Variants in ACSS3 observed in about 807,000 individuals in gnomAD.
The protein encoded by ACSS3 is acyl-CoA synthetase short chain family member 3, also known as acyl-CoA synthetase short-chain family member 3, mitochondrial.
ACSS3 carries 64 observed loss-of-function variants against 84.2 expected under a neutral mutation model. The observed-to-expected ratio is 0.76, with a 90% CI of 0.62 to 0.94. ACSS3 has a LOEUF of 0.94. Among genes scored for constraint, ACSS3 ranks in the 40% least tolerant of loss-of-function variants. ACSS3 has a pLI of 0.00. For missense variants in ACSS3, 815 were observed against 867.6 expected (o/e 0.94, Z 0.76); for synonymous variants, 317 against 310.1 (o/e 1.02, Z -0.23).
chr12:81,242,005 A>C (rs1179887529), intron 13 of ACSS3, among the ~76,000 whole-genome samples: 2 of 152,028 alleles, frequency 1.3e-5, no homozygotes, highest in Non-Finnish European at 2.9e-5. Flanking sequence ...TCTTGAATTG[A>C]TTTTCATATA....
chr12:81,173,783 G>C (rs1421747806), intron 7 of ACSS3, among the ~76,000 whole-genome samples: 1 of 152,058 alleles, frequency 6.6e-6, no homozygotes, highest in African/African-American at 2.4e-5. Flanking sequence ...AACAGAGATC[G>C]AGAATTTAAT....
chr12:81,206,562 A>G (rs943101876), intron 9 of ACSS3, among the ~76,000 whole-genome samples: 1 of 152,110 alleles, frequency 6.6e-6, no homozygotes, highest in Admixed American at 6.6e-5. Flanking sequence ...AAGCAGTTAT[A>G]TAGACACAGT....
intron 1 of ACSS3, among the ~76,000 whole-genome samples, chr12:81,090,018 G>C (rs995161264): frequency 6.6e-6 from 1 of 151,924 alleles, no homozygotes; most frequent in African/African-American, 2.4e-5. Flanking sequence ...TTACATAGCA[G>C]AACCTAGAGA....
At position 81,184,636 on chromosome 12, in the gene ACSS3, C is replaced by T. The variant is rs138115365; in HGVS notation, c.1250+9697C>T. ...TAAAGAGGATCGTAAGGGAATATTA[C>T]GAAGAATTATATGCCAACAAATTGG... On this transcript the variant is annotated intron_variant, in intron 8 of 15. Coordinates refer to ENST00000548058, the MANE Select transcript of ACSS3 (RefSeq NM_024560.4). Among the ~76,000 whole-genome samples the T allele has an allele frequency of 1.4e-3, 212 of 151,514 alleles. 1 individual carries two copies. The highest frequency in any genetic ancestry group is 2.5e-3 in the Non-Finnish European group (170 of 67,602).
intron 8 of ACSS3, among the ~76,000 whole-genome samples, chr12:81,186,519 A>T (rs997875363): frequency 1.3e-5 from 2 of 151,762 alleles, no homozygotes; most frequent in African/African-American, 4.8e-5. Context: ...TCGTGGAAAA[A>T]CTAATAACCT....
intron 3 of ACSS3, among the ~76,000 whole-genome samples, chr12:81,137,136 CTT>C (rs61706699): frequency 8.1e-5 from 12 of 147,556 alleles, no homozygotes; most frequent in Admixed American, 1.3e-4. Context: ...CCTTTTTTAT[CTT>C]TTTTTTTTTC....
chr12:81,139,619 A>AAAAT (rs1565999349), intron 4 of ACSS3, among the ~76,000 whole-genome samples: 154 of 99,120 alleles, frequency 1.6e-3, no homozygotes, highest in Admixed American at 4.6e-3. Flanking sequence ...TATATATATA[A>AAAAT]AATAATAATA....
Position 81,134,995 on chromosome 12 carries a change from T to G in ACSS3, c.636T>G (p.Asp212Glu), listed in dbSNP as rs766353030. 2 of 1,598,644 alleles carry G rather than the reference T, an allele frequency of 1.3e-6. No individual in the cohort carries two copies. The highest frequency in any genetic ancestry group is 1.7e-6 in the Non-Finnish European group (2 of 1,171,398). ...FASKELSSRI[D>E]HVKPKVVVTA... ...CCAAAGAACTAAGTAGTCGCATTGA[T>G]CATGTAAAGGTAAGTGCTTTATTTT... Residue 212 changes from aspartate to glutamate, a missense_variant, in exon 3 of 16, where the codon GAT becomes GAG. Transcript: ENST00000548058.
chr12:81,084,022 G>A (rs1484436727), intron 1 of ACSS3, among the ~76,000 whole-genome samples: 3 of 152,054 alleles, frequency 2.0e-5, no homozygotes, highest in Non-Finnish European at 4.4e-5. Context: ...CAGTATTCCT[G>A]CACAGCAACA....
In ACSS3 at chr12:81,174,914, T is replaced by G. The variant is rs757770927; in HGVS notation, c.1225T>G (p.Leu409Val). 1.9e-6 allele frequency: 3 copies of G among 1,613,802 alleles called. No homozygotes were observed. The highest frequency in any genetic ancestry group is 1.7e-5 in the Admixed American group (1 of 60,020). ...CCGTCAACAGGACCCTGGGGCAGCT[T>G]TGGGGAAGCAGTACTCTCTGACAAG... ...AIRQQDPGAA[L>V]GKQYSLTRFK... The change falls in exon 8 of 16, where the codon TTG (leucine) becomes GTG (valine). Residue 409 changes from leucine (L) to valine (V), a missense_variant. Leu to Val is a conservative substitution (Grantham distance 32). Transcript: ENST00000548058.
At chr12:81,183,842 A>G (rs934774512) in intron 8 of ACSS3, among the ~76,000 whole-genome samples, 1 of 150,836 alleles carries the variant, frequency 6.6e-6, no homozygotes, top group Admixed American at 6.6e-5. Context: ...GCAATACAAT[A>G]TGGTACTTCA....
intron 12 of ACSS3, among the ~76,000 whole-genome samples, chr12:81,232,876 A>G (rs2033511876): frequency 6.6e-6 from 1 of 151,792 alleles, no homozygotes; most frequent in South Asian, 2.1e-4. Context: ...ATTAAATTTC[A>G]TACTTACTAT....
At chr12:81,191,020 G>C (rs1478560000) in intron 8 of ACSS3, among the ~76,000 whole-genome samples, 1 of 149,384 alleles carries the variant, frequency 6.7e-6, no homozygotes, top group Admixed American at 6.6e-5. Context: ...TTTTTTTTTT[G>C]GTAGACCTTG....
At chr12:81,129,305 G>A (rs955786769) in intron 2 of ACSS3, among the ~76,000 whole-genome samples, 1 of 149,290 alleles carries the variant, frequency 6.7e-6, no homozygotes, top group Non-Finnish European at 1.5e-5. Context: ...ATAAATAAGA[G>A]GTAAAAAATA....
intron 4 of ACSS3, among the ~76,000 whole-genome samples, chr12:81,142,630 G>A (rs1005443190): frequency 1.3e-5 from 2 of 152,114 alleles, no homozygotes; most frequent in Non-Finnish European, 2.9e-5. Flanking sequence ...ATTTGGAAAG[G>A]TAGCTGTGGT....
At chr12:81,150,136 A>C (rs1886538970) in intron 5 of ACSS3, among the ~76,000 whole-genome samples, 1 of 152,182 alleles carries the variant, frequency 6.6e-6, no homozygotes, top group South Asian at 2.1e-4. Flanking sequence ...TAGTCAATGC[A>C]TCTTACCCTC....
At chr12:81,203,539 A>G (rs114179982) in intron 9 of ACSS3, among the ~76,000 whole-genome samples, 2,180 of 152,262 alleles carry the variant, frequency 0.014, 47 homozygotes, top group African/African-American at 0.041. Context: ...ATTCTTTTAT[A>G]TCTGATTCAA....
At chr12:81,090,459 A>C (rs911816949) in intron 1 of ACSS3, among the ~76,000 whole-genome samples, 1 of 151,946 alleles carries the variant, frequency 6.6e-6, no homozygotes. Flanking sequence ...AGCAGAATGC[A>C]CAAAGCCTTC....
chr12:81,118,810 T>A (rs1437847224), intron 2 of ACSS3, among the ~76,000 whole-genome samples: 1 of 152,166 alleles, frequency 6.6e-6, no homozygotes, highest in East Asian at 1.9e-4. Flanking sequence ...AGTGGGGCCA[T>A]AAAGATGAAC....
Sources: allele counts gnomAD v4.1 joint callset (sites outside exome capture counted in the v4.1 genomes callset), GRCh38; gene constraint gnomAD v4.1.1; transcripts MANE v1.5; gene names NCBI Gene and HGNC (gene_info 2026-07-23, HGNC 2026-07-21).